Variants in C11orf65 observed in about 807,000 individuals in gnomAD.
C11orf65 encodes chromosome 11 open reading frame 65, also known as protein MFI.
Under a neutral mutation model 35.3 loss-of-function variants are expected in C11orf65, and 38 were observed. The ratio of observed to expected loss-of-function variants is 1.08; its 90% CI spans 0.83 to 1.41. The LOEUF is 1.41. C11orf65 is among the 40% of genes most tolerant of loss of function. The probability of loss-of-function intolerance (pLI) is 0.00; values close to 1 mark genes in which losing one functional copy is unlikely to be tolerated. For missense variants in C11orf65, 370 were observed against 367.1 expected (o/e 1.01, Z -0.06); for synonymous variants, 105 against 114.4 (o/e 0.92, Z 0.53).
intron 3 of C11orf65, among the ~76,000 whole-genome samples, chr11:108,411,331 T>C (rs1276627485): frequency 1.3e-5 from 2 of 152,208 alleles, no homozygotes; most frequent in Non-Finnish European, 2.9e-5. Context: ...CTAGAAAACA[T>C]TCTCTGTGAT....
In C11orf65 at chr11:108,316,150, G is replaced by A. The variant is rs755970192; in HGVS notation, c.641-7079C>T. ...CCCAGATTTGGTAAAGCCATCACTAGTGTAGTGCTGAGGTTATTTCAGTAT... is the reference window on the plus strand; with the variant it reads ...CCCAGATTTGGTAAAGCCATCACTAATGTAGTGCTGAGGTTATTTCAGTAT... On this transcript the variant is annotated intron_variant, in intron 6 of 6. Transcript: ENST00000525729. 12 of 1,552,062 alleles carry A rather than the reference G, an allele frequency of 7.7e-6. No individual in the cohort carries two copies. The highest frequency in any genetic ancestry group is 2.7e-6 in the Non-Finnish European group (3 of 1,125,364).
chr11:108,355,099 G>C (rs1434987645), intron 2 of C11orf65: 1 of 550,450 alleles, frequency 1.8e-6, no homozygotes, highest in Non-Finnish European at 3.3e-6. Context: ...TTAGAGCATT[G>C]TAAGTAGTCT....
At chr11:108,394,974 T>TA (rs1293628797) in intron 6 of C11orf65, among the ~76,000 whole-genome samples, 2 of 151,578 alleles carry the variant, frequency 1.3e-5, no homozygotes, top group Admixed American at 1.3e-4. Flanking sequence ...CTACAAACAA[T>TA]AAAAAACATA....
chr11:108,373,091 T>C (rs991768102), intron 2 of C11orf65, among the ~76,000 whole-genome samples: 1 of 150,866 alleles, frequency 6.6e-6, no homozygotes, highest in Admixed American at 6.6e-5. Flanking sequence ...AAAAAAAAAA[T>C]TAAAAGAAAG....
chr11:108,332,239 C>T (rs2086339713), intron 3 of C11orf65, among the ~76,000 whole-genome samples: 2 of 152,028 alleles, frequency 1.3e-5, no homozygotes, highest in African/African-American at 4.8e-5. Context: ...ACCATCCTGG[C>T]TGACCGACAC....
At chr11:108,373,034 G>A (rs935676351) in intron 2 of C11orf65, among the ~76,000 whole-genome samples, 14 of 152,012 alleles carry the variant, frequency 9.2e-5, no homozygotes, top group South Asian at 8.3e-4. Flanking sequence ...GGGCCGAGAC[G>A]TGCCACTGCA....
At chr11:108,382,657 G>T (rs915566990), downstream of C11orf65, 3 of 453,300 alleles carry the variant, frequency 6.6e-6, no homozygotes, top group Admixed American at 1.3e-4. Flanking sequence ...AAGAAGCAAG[G>T]CACACTAGGA....
chr11:108,416,868 C>A (rs928710573), intron 3 of C11orf65, among the ~76,000 whole-genome samples: 1 of 151,960 alleles, frequency 6.6e-6, no homozygotes, highest in Non-Finnish European at 1.5e-5. Flanking sequence ...TGTACTCTTA[C>A]CATAAGATCC....
intron 2 of C11orf65, among the ~76,000 whole-genome samples, chr11:108,363,701 T>G (rs1008660859): frequency 6.6e-6 from 1 of 152,246 alleles, no homozygotes; most frequent in Non-Finnish European, 1.5e-5. Context: ...TTAATCAGTC[T>G]GTATTCCTTT....
intron 2 of C11orf65, among the ~76,000 whole-genome samples, chr11:108,439,656 A>T (rs1033884128): frequency 1.3e-5 from 2 of 152,230 alleles, no homozygotes; most frequent in South Asian, 4.1e-4. Flanking sequence ...AAAGGAATGA[A>T]ATTCTGATAC....
chr11:108,308,990 G>A, exon 7 of C11orf65: 6 of 1,525,218 alleles, frequency 3.9e-6, no homozygotes, highest in Non-Finnish European at 8.8e-7. Context: ...GGGTAGAATG[G>A]TGTTGACATT....
chr11:108,321,699 C>A (rs2136249481), intron 6 of C11orf65, among the ~76,000 whole-genome samples: 1 of 151,864 alleles, frequency 6.6e-6, no homozygotes, highest in South Asian at 2.1e-4. Context: ...AGGAAAATTG[C>A]TTGAACCCAG....
intron 6 of C11orf65, among the ~76,000 whole-genome samples, chr11:108,316,898 C>G (rs1427940681): frequency 6.6e-6 from 1 of 151,820 alleles, no homozygotes; most frequent in East Asian, 1.9e-4. Context: ...TGCACTCCAG[C>G]CTGGGCAATA....
At chr11:108,416,213 G>A (rs948784062) in intron 3 of C11orf65, among the ~76,000 whole-genome samples, 1 of 152,166 alleles carries the variant, frequency 6.6e-6, no homozygotes, top group Non-Finnish European at 1.5e-5. Flanking sequence ...TAAAGGGCTG[G>A]TATTTAAAAT....
At chr11:108,416,905 A>G (rs1440786830) in intron 3 of C11orf65, among the ~76,000 whole-genome samples, 3 of 152,232 alleles carry the variant, frequency 2.0e-5, no homozygotes, top group Non-Finnish European at 4.4e-5. Context: ...AAAGAACAAC[A>G]GCAAGAATAT....
intron 6 of C11orf65, among the ~76,000 whole-genome samples, chr11:108,404,911 A>T (rs1239293939): frequency 3.9e-5 from 6 of 152,002 alleles, no homozygotes; most frequent in Non-Finnish European, 7.4e-5. Flanking sequence ...TGGCCACAAA[A>T]CCTTTTTGGA....
chr11:108,309,342 T>A (rs1441577425), intron 6 of C11orf65, among the ~76,000 whole-genome samples: 2 of 152,232 alleles, frequency 1.3e-5, no homozygotes, highest in Admixed American at 1.3e-4. Flanking sequence ...GAAAATTAAC[T>A]TTAGTTGAGT....
intron 3 of C11orf65, among the ~76,000 whole-genome samples, chr11:108,428,076 G>A (rs1283137775): frequency 1.2e-4 from 18 of 151,660 alleles, no homozygotes; most frequent in Admixed American, 7.2e-4. Context: ...TGATCCACCC[G>A]CCTCGGCCTC....
At chr11:108,407,997 T>TTTTTTATTA (rs372979791) in intron 3 of C11orf65, among the ~76,000 whole-genome samples, 1 of 139,570 alleles carries the variant, frequency 7.2e-6, no homozygotes, top group Non-Finnish European at 1.5e-5. Context: ...TTAATTTCTT[T>TTTTTTATTA]TTATTATTAT....
Sources: gnomAD v4.1 joint callset for allele counts (sites outside exome capture counted in the v4.1 genomes callset) on GRCh38, gnomAD v4.1.1 for gene constraint, MANE v1.5 for transcripts, NCBI Gene and HGNC (gene_info 2026-07-23, HGNC 2026-07-21) for gene names.